RSBN1L: variants seen among roughly 807,000 people sequenced by gnomAD.
The protein encoded by RSBN1L is lysine-specific demethylase RSBN1L.
A neutral mutation model predicts 67.7 loss-of-function variants in RSBN1L; 30 were observed. The observed-to-expected ratio is 0.44, with a 90% CI of 0.33 to 0.60. The LOEUF is 0.60. Among genes scored for constraint, RSBN1L ranks in the 20% least tolerant of loss-of-function variants. The pLI is 0.02. For synonymous variants in RSBN1L, 433 were observed against 387.0 expected (o/e 1.12, Z -1.39); for missense variants, 992 against 1,031.7 (o/e 0.96, Z 0.53).
In RSBN1L at chr7:77,752,572, C is replaced by T. The variant is rs529927576; in HGVS notation, c.1344+2508C>T. 1.8e-4 allele frequency among the ~76,000 whole-genome samples: 27 copies of T among 152,270 alleles called. No homozygotes were observed. In the Middle Eastern group the frequency reaches 0.014, roughly 77 times the overall value. Reference sequence around the variant, plus strand: ...TCTTGCACAGTTCTATTTCTCATCCCTGGAGTCCTCCCAGTTAAAGCTCTC... The same window carrying T: ...TCTTGCACAGTTCTATTTCTCATCCTTGGAGTCCTCCCAGTTAAAGCTCTC... On this transcript the variant is annotated intron_variant, in intron 3 of 7. Coordinates refer to ENST00000334955, the MANE Select transcript of RSBN1L (RefSeq NM_198467.3).
chr7:77,697,566 A>T (rs184991926), intron 1 of RSBN1L, among the ~76,000 whole-genome samples: 1 of 152,124 alleles, frequency 6.6e-6, no homozygotes, highest in Non-Finnish European at 1.5e-5. Flanking sequence ...TTTCATCCCT[A>T]TTAGGGAAAT....
chr7:77,710,871 C>T (rs1790965327), intron 1 of RSBN1L, among the ~76,000 whole-genome samples: 1 of 152,152 alleles, frequency 6.6e-6, no homozygotes, highest in African/African-American at 2.4e-5. Flanking sequence ...GCTATACAGG[C>T]TTAAGCCACC....
At chr7:77,770,542 A>G (rs967131368) in intron 5 of RSBN1L, among the ~76,000 whole-genome samples, 4 of 151,752 alleles carry the variant, frequency 2.6e-5, no homozygotes, top group South Asian at 4.2e-4. Context: ...AATTTAGCCA[A>G]TGTGGTGGTA....
At chr7:77,703,740 G>A (rs187226842) in intron 1 of RSBN1L, among the ~76,000 whole-genome samples, 2 of 151,894 alleles carry the variant, frequency 1.3e-5, no homozygotes, top group African/African-American at 4.8e-5. Context: ...TGCCTGCCTC[G>A]GCCTCCCAAA....
chr7:77,764,857 T>C (rs528873412), intron 3 of RSBN1L, among the ~76,000 whole-genome samples: 1 of 152,250 alleles, frequency 6.6e-6, no homozygotes, highest in South Asian at 2.1e-4. Context: ...GGTCTTGATC[T>C]CCTGACCTCA....
chr7:77,716,496 T>A (rs1293948764), intron 1 of RSBN1L, among the ~76,000 whole-genome samples: 1 of 151,306 alleles, frequency 6.6e-6, no homozygotes, highest in Non-Finnish European at 1.5e-5. Context: ...TTGAGAATTA[T>A]TCTGTAAAGT....
At chr7:77,721,877 T>A (rs1791124669) in intron 1 of RSBN1L, among the ~76,000 whole-genome samples, 1 of 152,172 alleles carries the variant, frequency 6.6e-6, no homozygotes, top group African/African-American at 2.4e-5. Flanking sequence ...TAAGGAATCT[T>A]TTTTGGTCAC....
chr7:77,763,870 G>C (rs1168914800), intron 3 of RSBN1L, among the ~76,000 whole-genome samples: 2 of 152,194 alleles, frequency 1.3e-5, no homozygotes, highest in Non-Finnish European at 2.9e-5. Flanking sequence ...TTGTGGTTCT[G>C]AGAAGTCAAT....
intron 1 of RSBN1L, among the ~76,000 whole-genome samples, chr7:77,706,876 A>T (rs950625873): frequency 6.6e-6 from 1 of 152,196 alleles, no homozygotes; most frequent in Non-Finnish European, 1.5e-5. Flanking sequence ...ATGGCCAAAA[A>T]TAAAAAAGCC....
chr7:77,736,615 G>T, intron 2 of RSBN1L, 89 bp downstream of exon 2: 1 of 704,340 alleles, frequency 1.4e-6, no homozygotes, highest in East Asian at 4.1e-5. Context: ...AATGTTATTT[G>T]GTGCTGAATT....
chr7:77,722,675 T>C (rs966874055), intron 1 of RSBN1L, among the ~76,000 whole-genome samples: 1 of 152,114 alleles, frequency 6.6e-6, no homozygotes, highest in Non-Finnish European at 1.5e-5. Flanking sequence ...TTCCTTCTGC[T>C]TCAAATTCTT....
At chr7:77,757,921 C>G (rs536268040) in intron 3 of RSBN1L, among the ~76,000 whole-genome samples, 1 of 151,994 alleles carries the variant, frequency 6.6e-6, no homozygotes, top group Non-Finnish European at 1.5e-5. Context: ...AACCCAGATT[C>G]GTGTGGAAAA....
chr7:77,709,878 T>A (rs1452347552), intron 1 of RSBN1L, among the ~76,000 whole-genome samples: 1 of 152,222 alleles, frequency 6.6e-6, no homozygotes, highest in African/African-American at 2.4e-5. Context: ...AATATGTCCT[T>A]AGATATTTTT....
At chr7:77,733,610 T>G (rs914512713) in intron 1 of RSBN1L, among the ~76,000 whole-genome samples, 2 of 151,892 alleles carry the variant, frequency 1.3e-5, no homozygotes, top group African/African-American at 4.8e-5. Context: ...TTCAATATGT[T>G]AAATATTTAA....
At chr7:77,767,026 C>CT (rs1791775023) in intron 4 of RSBN1L, among the ~76,000 whole-genome samples, 1 of 146,064 alleles carries the variant, frequency 6.8e-6, no homozygotes, top group Non-Finnish European at 1.5e-5. Context: ...TTCCCCTTCC[C>CT]CTTCCCTTTC....
At chr7:77,730,274 C>A (rs750156798) in intron 1 of RSBN1L, among the ~76,000 whole-genome samples, 2 of 152,116 alleles carry the variant, frequency 1.3e-5, no homozygotes, top group African/African-American at 4.8e-5. Flanking sequence ...TGGTTCATAG[C>A]AAAATTGAGC....
At chr7:77,705,648 A>AT (rs1790882252) in intron 1 of RSBN1L, among the ~76,000 whole-genome samples, 1 of 149,140 alleles carries the variant, frequency 6.7e-6, no homozygotes, top group Non-Finnish European at 1.5e-5. Flanking sequence ...GGTAGCTGGG[A>AT]TTACGGGCGC....
At chr7:77,702,734 T>C (rs914197768) in intron 1 of RSBN1L, among the ~76,000 whole-genome samples, 1 of 152,212 alleles carries the variant, frequency 6.6e-6, no homozygotes, top group South Asian at 2.1e-4. Flanking sequence ...TTCTGGTGGC[T>C]GGAAGCGTGA....
Position 77,779,032 on chromosome 7 carries a change from T to C in RSBN1L, c.2405T>C (p.Met802Thr). The C allele has an allele frequency of 6.2e-7, 1 of 1,614,032 alleles. No individual in the cohort carries two copies. Among genetic ancestry groups the C allele is most frequent in the Non-Finnish European group, 8.5e-7 (1 of 1,179,962 alleles). Residue 802 changes from methionine (M) to threonine (T), a missense_variant, in exon 8 of 8, where the codon ATG (methionine) becomes ACG (threonine). Met to Thr is a moderately conservative substitution (Grantham distance 81, BLOSUM62 -1). Coordinates refer to ENST00000334955, the MANE Select transcript of RSBN1L (RefSeq NM_198467.3). ...CAATTTGCAGAATTTAAGATTGACA[T>C]GGATTCTAAATTTGAAAATAGCAAC... ...HVQFAEFKID[M>T]DSKFENSNKD...
Sources: gnomAD v4.1 joint callset for allele counts (sites outside exome capture counted in the v4.1 genomes callset) on GRCh38, gnomAD v4.1.1 for gene constraint, MANE v1.5 for transcripts, NCBI Gene and HGNC (gene_info 2026-07-23, HGNC 2026-07-21) for gene names.